HS2ST1: variants seen among roughly 807,000 people sequenced by gnomAD.
The protein encoded by HS2ST1 is 2-O-sulfotransferase.
In HS2ST1, 18 loss-of-function variants were observed where a neutral mutation model predicts 42.9. The observed-to-expected ratio is 0.42, with a 90% CI of 0.29 to 0.62. HS2ST1 has a LOEUF of 0.62. HS2ST1 is among the 20% of genes least tolerant of loss of function. HS2ST1 has a pLI of 0.21. For synonymous variants in HS2ST1, 146 were observed against 152.9 expected (o/e 0.95, Z 0.33); for missense variants, 334 against 433.8 (o/e 0.77, Z 2.04).
chr1:86,940,412 G>T (rs1570434509), intron 1 of HS2ST1, among the ~76,000 whole-genome samples: 1 of 151,984 alleles, frequency 6.6e-6, no homozygotes, highest in African/African-American at 2.4e-5. Flanking sequence ...GATCAAAGTT[G>T]CATGTATAAA....
intron 5 of HS2ST1, among the ~76,000 whole-genome samples, chr1:87,101,149 G>GTGTGTTT: frequency 6.7e-4 from 40 of 59,564 alleles, no homozygotes; most frequent in African/African-American, 2.4e-3. Context: ...GTGTGTGTGT[G>GTGTGTTT]TTTTTTGTTT....
At chr1:87,085,765 T>C (rs1240933497) in intron 3 of HS2ST1, among the ~76,000 whole-genome samples, 1 of 152,234 alleles carries the variant, frequency 6.6e-6, no homozygotes, top group East Asian at 1.9e-4. Flanking sequence ...TTTCTAATAG[T>C]CTAGGTTTTC....
intron 1 of HS2ST1, among the ~76,000 whole-genome samples, chr1:86,963,281 G>A (rs1647906447): frequency 6.6e-6 from 1 of 152,018 alleles, no homozygotes; most frequent in Non-Finnish European, 1.5e-5. Context: ...AAGGTCTCTG[G>A]TTTTCCTAGG....
intron 5 of HS2ST1, among the ~76,000 whole-genome samples, chr1:87,099,029 C>T (rs866533728): frequency 7.2e-5 from 11 of 152,272 alleles, no homozygotes; most frequent in African/African-American, 1.2e-4. Flanking sequence ...CCACCTGCCT[C>T]GGCCTCCCAA....
In HS2ST1 at chr1:87,023,549, T is replaced by C. The variant is rs556420246; in HGVS notation, c.125-49385T>C. Reference sequence around the variant, plus strand: ...AATATAATATATCCTTGTGTATCTCTATGAACAGATTAACACTGAGGCATA... The same window carrying C: ...AATATAATATATCCTTGTGTATCTCCATGAACAGATTAACACTGAGGCATA... On this transcript the variant is annotated intron_variant, in intron 1 of 6. Transcript: ENST00000370550. Among the ~76,000 whole-genome samples, 5 of 152,288 alleles carry C rather than the reference T, an allele frequency of 3.3e-5. No individual in the cohort carries two copies. In the South Asian group the frequency reaches 1.0e-3, roughly 32 times the overall value.
At chr1:87,043,077 A>G (rs536111523) in intron 1 of HS2ST1, among the ~76,000 whole-genome samples, 1 of 152,264 alleles carries the variant, frequency 6.6e-6, no homozygotes, top group Non-Finnish European at 1.5e-5. Flanking sequence ...CATCTGGTAT[A>G]GGAGACACTT....
At chr1:87,065,726 T>C (rs187242097) in intron 1 of HS2ST1, among the ~76,000 whole-genome samples, 6 of 152,346 alleles carry the variant, frequency 3.9e-5, no homozygotes, top group African/African-American at 1.2e-4. Context: ...TGCTCTGTTA[T>C]GCATATATAG....
chr1:86,958,616 A>G (rs1010646350), intron 1 of HS2ST1: 2 of 152,210 alleles, frequency 1.3e-5, no homozygotes, highest in African/African-American at 4.8e-5. Context: ...TTTAAAAGCT[A>G]AATGTTTTAT....
chr1:87,001,635 C>T (rs921246123), intron 1 of HS2ST1, among the ~76,000 whole-genome samples: 19 of 152,222 alleles, frequency 1.2e-4, no homozygotes, highest in South Asian at 2.1e-4. Context: ...TTTTTTGAGA[C>T]GAAGTTTCAC....
chr1:86,922,596 T>C (rs940683938), intron 1 of HS2ST1, among the ~76,000 whole-genome samples: 1 of 152,134 alleles, frequency 6.6e-6, no homozygotes, highest in African/African-American at 2.4e-5. Context: ...GATATTTTTG[T>C]TGGGTATAGA....
chr1:87,073,277 C>T, intron 2 of HS2ST1, 105 bp downstream of exon 2: 1 of 822,682 alleles, frequency 1.2e-6, no homozygotes, highest in East Asian at 2.4e-5. Context: ...GTGCTGATCT[C>T]AGTGGATCAT....
At chr1:87,025,351 C>G (rs542517127) in intron 1 of HS2ST1, among the ~76,000 whole-genome samples, 2 of 152,290 alleles carry the variant, frequency 1.3e-5, no homozygotes, top group East Asian at 1.9e-4. Context: ...ACAGCAATAT[C>G]AAGTAAACAG....
intron 1 of HS2ST1, among the ~76,000 whole-genome samples, chr1:87,014,934 GA>G (rs1187691639): frequency 6.6e-6 from 1 of 152,182 alleles, no homozygotes; most frequent in Non-Finnish European, 1.5e-5. Context: ...GTATTCTCAT[GA>G]AAATGCTCTT....
At chr1:87,077,603 T>C (rs1651578317) in intron 2 of HS2ST1, among the ~76,000 whole-genome samples, 1 of 152,230 alleles carries the variant, frequency 6.6e-6, no homozygotes, top group African/African-American at 2.4e-5. Context: ...ATCTTATATA[T>C]TGGTTTGTTT....
At chr1:87,060,277 A>G (rs1651084507) in intron 1 of HS2ST1, among the ~76,000 whole-genome samples, 1 of 152,198 alleles carries the variant, frequency 6.6e-6, no homozygotes. Flanking sequence ...AAACAATTGC[A>G]AAATGCTTTT....
chr1:86,933,418 T>A (rs1267639805), intron 1 of HS2ST1, among the ~76,000 whole-genome samples: 1 of 152,222 alleles, frequency 6.6e-6, no homozygotes, highest in Non-Finnish European at 1.5e-5. Flanking sequence ...CTGATTGTTT[T>A]CTCTGCTGTG....
chr1:86,965,506 C>G (rs1648019060), intron 1 of HS2ST1, among the ~76,000 whole-genome samples: 1 of 152,000 alleles, frequency 6.6e-6, no homozygotes, highest in African/African-American at 2.4e-5. Flanking sequence ...TAAATTCCAG[C>G]AATATTTTGG....
chr1:86,998,229 G>A (rs1457547106), intron 1 of HS2ST1, among the ~76,000 whole-genome samples: 1 of 152,146 alleles, frequency 6.6e-6, no homozygotes, highest in East Asian at 1.9e-4. Context: ...TTTGATGTAA[G>A]TACTAAAATG....
intron 2 of HS2ST1, among the ~76,000 whole-genome samples, chr1:87,079,714 G>A (rs1225710206): frequency 2.0e-5 from 3 of 152,062 alleles, no homozygotes; most frequent in Non-Finnish European, 2.9e-5. Flanking sequence ...TTTGAGCTTA[G>A]AAAGAGATTC....
Sources: gnomAD v4.1 joint callset for allele counts (sites outside exome capture counted in the v4.1 genomes callset) on GRCh38, gnomAD v4.1.1 for gene constraint, MANE v1.5 for transcripts, NCBI Gene and HGNC (gene_info 2026-07-23, HGNC 2026-07-21) for gene names.